Variants in ADGRL2 observed in about 807,000 individuals in gnomAD.
The protein encoded by ADGRL2 is adhesion G protein-coupled receptor L2.
Under a neutral mutation model 157.4 loss-of-function variants are expected in ADGRL2, and 44 were observed. The ratio of observed to expected loss-of-function variants is 0.28; its 90% CI spans 0.22 to 0.36. ADGRL2 has a LOEUF of 0.36. Ranked by LOEUF, ADGRL2 falls within the 10% of genes least tolerant of loss-of-function variation. The pLI, the probability that ADGRL2 is intolerant of heterozygous loss-of-function variation, is 1.00. For synonymous variants in ADGRL2, 585 were observed against 624.7 expected (o/e 0.94, Z 0.95); for missense variants, 1,510 against 1,768.9 (o/e 0.85, Z 2.63).
intron 1 of ADGRL2, among the ~76,000 whole-genome samples, chr1:81,410,284 A>T (rs2076925797): frequency 6.6e-6 from 1 of 152,248 alleles, no homozygotes; most frequent in Non-Finnish European, 1.5e-5. Context: ...GAGAAGGGAA[A>T]TTTGTATTAG....
chr1:81,803,000 G>C (rs899141778), intron 1 of ADGRL2, among the ~76,000 whole-genome samples: 1 of 152,122 alleles, frequency 6.6e-6, no homozygotes, highest in African/African-American at 2.4e-5. Flanking sequence ...GGCGGGCCAC[G>C]GGGAGGGCAG....
chr1:81,632,434 A>G (rs963280030), intron 3 of ADGRL2, among the ~76,000 whole-genome samples: 1 of 152,116 alleles, frequency 6.6e-6, no homozygotes, highest in African/African-American at 2.4e-5. Flanking sequence ...AAAGGCTCTG[A>G]GTGTGCAGCT....
chr1:81,327,545 A>G (rs1317765162), intron 1 of ADGRL2, among the ~76,000 whole-genome samples: 2 of 152,164 alleles, frequency 1.3e-5, no homozygotes, highest in Non-Finnish European at 2.9e-5. Flanking sequence ...GAATTTACAC[A>G]TTAGCCTTTA....
intron 2 of ADGRL2, among the ~76,000 whole-genome samples, chr1:81,839,742 C>CTT: frequency 6.8e-6 from 1 of 146,760 alleles, no homozygotes; most frequent in South Asian, 2.2e-4. Context: ...AGTATTCCAT[C>CTT]ATATATATAT....
rs150906158 is a variant in ADGRL2, at chr1:81,734,003, G to A, written c.-142-27808G>A. Among the ~76,000 whole-genome samples the A allele has an allele frequency of 1.8e-3, 272 of 152,168 alleles. 1 individual carries two copies. Among genetic ancestry groups the A allele is most frequent in the African/African-American group, 6.1e-3 (253 of 41,478 alleles). ...ACTTAAACGTTAAAAAAGGCTGGGC[G>A]CAGTGGCTCACACCTGTAATCCCAG... On this transcript the variant is annotated intron_variant, in intron 1 of 20. Transcript: ENST00000359929.
chr1:81,386,143 A>T (rs1481111250), intron 1 of ADGRL2, among the ~76,000 whole-genome samples: 1 of 152,194 alleles, frequency 6.6e-6, no homozygotes, highest in African/African-American at 2.4e-5. Context: ...CTTTACCATA[A>T]AAAATGACAA....
At chr1:81,452,259 A>T (rs958074766) in intron 2 of ADGRL2, among the ~76,000 whole-genome samples, 1 of 152,178 alleles carries the variant, frequency 6.6e-6, no homozygotes, top group African/African-American at 2.4e-5. Flanking sequence ...TCCACCTATT[A>T]AAAATAATGT....
chr1:81,879,095 A>G (rs776161970), intron 2 of ADGRL2, among the ~76,000 whole-genome samples: 1 of 152,222 alleles, frequency 6.6e-6, no homozygotes, highest in Non-Finnish European at 1.5e-5. Context: ...AATGATCTGT[A>G]ACTCTGATAA....
chr1:81,747,075 T>C (rs1557616036), intron 1 of ADGRL2, among the ~76,000 whole-genome samples: 2 of 147,324 alleles, frequency 1.4e-5, no homozygotes, highest in South Asian at 2.1e-4. Context: ...TGTATATATG[T>C]ATATATGTGT....
At chr1:81,803,084 T>C (rs2088537434) in intron 1 of ADGRL2, among the ~76,000 whole-genome samples, 1 of 151,982 alleles carries the variant, frequency 6.6e-6, no homozygotes, top group South Asian at 2.1e-4. Flanking sequence ...ACGGAGTGTA[T>C]GCTGCTGGAG....
At chr1:81,306,598 T>C (rs1659351475) in intron 1 of ADGRL2, 2 of 152,194 alleles carry the variant, frequency 1.3e-5, no homozygotes, top group Non-Finnish European at 2.9e-5. Context: ...ATATTGTTGC[T>C]GGCATTAGGT....
intron 1 of ADGRL2, among the ~76,000 whole-genome samples, chr1:81,835,679 A>G (rs1323064963): frequency 6.6e-6 from 1 of 152,034 alleles, no homozygotes; most frequent in Admixed American, 6.6e-5. Context: ...AAATGGCATA[A>G]TACTGATGTT....
intron 3 of ADGRL2, among the ~76,000 whole-genome samples, chr1:81,598,468 A>T (rs2081278604): frequency 2.0e-5 from 3 of 152,252 alleles, no homozygotes; most frequent in African/African-American, 4.8e-5. Flanking sequence ...AAAATTATTC[A>T]AAACCTGAAG....
At chr1:81,790,276 A>AAC (rs1472077475) in intron 2 of ADGRL2, among the ~76,000 whole-genome samples, 1 of 151,842 alleles carries the variant, frequency 6.6e-6, no homozygotes, top group Admixed American at 6.6e-5. Flanking sequence ...CACACACATG[A>AAC]ACACACACAA....
intron 2 of ADGRL2, among the ~76,000 whole-genome samples, chr1:81,468,395 A>C (rs2078103974): frequency 6.6e-6 from 1 of 152,220 alleles, no homozygotes; most frequent in Non-Finnish European, 1.5e-5. Context: ...GCCTCAAAGC[A>C]AAGGCAGATA....
chr1:81,462,931 T>C (rs1049986646), intron 2 of ADGRL2, among the ~76,000 whole-genome samples: 4 of 151,656 alleles, frequency 2.6e-5, no homozygotes, highest in Non-Finnish European at 5.9e-5. Flanking sequence ...CCTGGGCAAC[T>C]TGGCAAAACC....
chr1:81,859,036 TTAAG>T (rs1393885956), intron 2 of ADGRL2, among the ~76,000 whole-genome samples: 2 of 152,208 alleles, frequency 1.3e-5, no homozygotes, highest in African/African-American at 2.4e-5. Flanking sequence ...TAGAATTTAT[TTAAG>T]TAATTATGTT....
At chr1:81,522,182 C>T (rs369506228) in intron 2 of ADGRL2, among the ~76,000 whole-genome samples, 1 of 152,030 alleles carries the variant, frequency 6.6e-6, no homozygotes, top group South Asian at 2.1e-4. Context: ...CCAGGCTGGT[C>T]TCGAGCTCCT....
intron 17 of ADGRL2, among the ~76,000 whole-genome samples, chr1:81,978,269 T>G (rs1660734777): frequency 6.6e-6 from 1 of 151,722 alleles, no homozygotes; most frequent in South Asian, 2.1e-4. Context: ...GGTCAATAAA[T>G]ATTTGTTGAA....
Sources: gnomAD v4.1 joint callset for allele counts (sites outside exome capture counted in the v4.1 genomes callset) on GRCh38, gnomAD v4.1.1 for gene constraint, MANE v1.5 for transcripts, NCBI Gene and HGNC (gene_info 2026-07-23, HGNC 2026-07-21) for gene names.